MARCHF6: variants seen among roughly 807,000 people sequenced by gnomAD.
The protein encoded by MARCHF6 is E3 ubiquitin-protein ligase MARCHF6.
Under a neutral mutation model 133.7 loss-of-function variants are expected in MARCHF6, and 31 were observed. The ratio of observed to expected loss-of-function variants is 0.23; its 90% CI spans 0.17 to 0.31. The LOEUF is 0.31. MARCHF6 is among the 10% of genes least tolerant of loss of function. The pLI, the probability that MARCHF6 is intolerant of heterozygous loss-of-function variation, is 1.00. For synonymous variants in MARCHF6, 395 were observed against 402.5 expected, an observed-to-expected ratio of 0.98 and a Z score of 0.22; for missense variants, 723 against 1,121.6, an observed-to-expected ratio of 0.64 and a Z score of 5.08.
intron 10 of MARCHF6, among the ~76,000 whole-genome samples, chr5:10,398,833 A>C (rs1480425865): frequency 6.6e-6 from 1 of 152,176 alleles, no homozygotes; most frequent in Non-Finnish European, 1.5e-5. Context: ...ATCTTTTGGA[A>C]TCTTTTGAAA....
At chr5:10,411,207 G>A (rs1452261361) in intron 18 of MARCHF6, 126 bp from the exon 19 acceptor site, 1 of 733,522 alleles carries the variant, frequency 1.4e-6, no homozygotes, top group East Asian at 2.7e-5. Flanking sequence ...AGGTAATAAT[G>A]TGGTGCACAA....
At chr5:10,387,198 C>T in intron 5 of MARCHF6, 132 bp downstream of exon 5, 1 of 552,546 alleles carries the variant, frequency 1.8e-6, no homozygotes, top group South Asian at 3.1e-5. Flanking sequence ...ATTACACTAA[C>T]AGTTATAGCT....
At position 10,411,420 on chromosome 5, in the gene MARCHF6, TAAC is replaced by T. The variant is rs1160590368; in HGVS notation, c.1783_1785del (p.Asn595del). 5.6e-6 allele frequency: 9 copies of T among 1,614,204 alleles called. No individual in the cohort carries two copies. Among genetic ancestry groups the T allele is most frequent in the South Asian group, 1.1e-5 (1 of 91,090 alleles). ...TTAACAATAATCAGCATGCTCGAAATAACAACGCTATTCCTGTGGTGGGAGAAG... is the reference window on the plus strand; with the variant it reads ...TTAACAATAATCAGCATGCTCGAAATAACGCTATTCCTGTGGTGGGAGAAG... On this transcript the variant is annotated inframe_deletion, in exon 19 of 26. Transcript: ENST00000274140.
chr5:10,362,608 A>G (rs1039739953), intron 1 of MARCHF6, among the ~76,000 whole-genome samples: 24 of 152,260 alleles, frequency 1.6e-4, no homozygotes, highest in African/African-American at 5.5e-4. Flanking sequence ...CTGGATTATT[A>G]TAAGACAATT....
At chr5:10,372,951 T>C (rs1388646613) in intron 1 of MARCHF6, among the ~76,000 whole-genome samples, 1 of 152,020 alleles carries the variant, frequency 6.6e-6, no homozygotes, top group African/African-American at 2.4e-5. Context: ...ATCCTAGTGC[T>C]TTGGGAGCTG....
intron 1 of MARCHF6, among the ~76,000 whole-genome samples, chr5:10,372,680 C>T (rs1183698113): frequency 6.6e-6 from 1 of 152,178 alleles, no homozygotes; most frequent in African/African-American, 2.4e-5. Context: ...AAAATAACAA[C>T]ACTCATTATG....
At chr5:10,413,236 C>A (rs926096335) in intron 19 of MARCHF6, 3 of 152,214 alleles carry the variant, frequency 2.0e-5, no homozygotes, top group African/African-American at 7.2e-5. Flanking sequence ...TCCCGTTTTT[C>A]CCCCTTGGTC....
chr5:10,390,262 A>T, intron 5 of MARCHF6, 70 bp from the exon 6 acceptor site: 1 of 1,374,538 alleles, frequency 7.3e-7, no homozygotes, highest in African/African-American at 1.5e-5. Context: ...GTATAAGAAA[A>T]TTTTTTACCT....
chr5:10,411,221 C>G (rs370740523), intron 18 of MARCHF6, 112 bp from the exon 19 acceptor site: 8 of 829,060 alleles, frequency 9.6e-6, no homozygotes, highest in East Asian at 7.8e-5. Context: ...TGCACAAATT[C>G]TGTATTATAC....
At chr5:10,380,161 G>A (rs1242336776) in intron 3 of MARCHF6, among the ~76,000 whole-genome samples, 1 of 144,430 alleles carries the variant, frequency 6.9e-6, no homozygotes, top group Non-Finnish European at 1.5e-5. Flanking sequence ...TTAGTTGTGT[G>A]TGTGTGTGTG....
In MARCHF6 at chr5:10,434,482, C is replaced by CG. The variant is rs1740513820; in HGVS notation, c.*798_*799insG. On this transcript the variant is annotated 3_prime_UTR_variant, in exon 26 of 26. Coordinates refer to ENST00000274140, the MANE Select transcript of MARCHF6 (RefSeq NM_005885.4). ...TGAAGATTTTCATGAGTCAGCCCCC[C>CG]CGCCCGCCCCCACCCCACACCCACA... The CG allele has an allele frequency of 7.1e-6, 1 of 141,782 alleles. No homozygotes were observed. The highest frequency in any genetic ancestry group is 1.5e-5 in the Non-Finnish European group (1 of 65,442). 8.8% of individuals were successfully genotyped at this position (141,782 alleles called of 1,614,324 possible).
At position 10,433,818 on chromosome 5, in the gene MARCHF6, C is replaced by A; in HGVS notation, c.*134C>A. 2 of 705,168 alleles carry A rather than the reference C, an allele frequency of 2.8e-6. No individual in the cohort carries two copies. The highest frequency in any genetic ancestry group is 2.7e-5 in the East Asian group (1 of 36,524). The allele number at this position is 705,168 out of a possible 1,614,324, so 43.7% of individuals were successfully genotyped here. A position where few individuals can be genotyped will look rare whatever the true frequency, so the allele number is the denominator to read the frequency against. ...GTATTTGACTTGTGTTCTCAGCATT[C>A]AGAGAGCAGCGGTGTAAGATTCTGC... is the stretch of plus-strand genomic sequence containing the variant. On this transcript the variant is annotated 3_prime_UTR_variant, in exon 26 of 26. Transcript: ENST00000274140.
At chr5:10,370,227 A>C (rs76883881) in intron 1 of MARCHF6, among the ~76,000 whole-genome samples, 47 of 148,650 alleles carry the variant, frequency 3.2e-4, no homozygotes, top group African/African-American at 1.2e-3. Flanking sequence ...TAGCCTCCTG[A>C]GTAGCTGGGA....
At position 10,405,694 on chromosome 5, in the gene MARCHF6, A is replaced by G. The variant is rs1246907013; in HGVS notation, c.1452+17A>G. On this transcript the variant is annotated intron_variant, in intron 16 of 25. Transcript: ENST00000274140. ...TTGTCAGTGGTAAGAAGATGTTTCC[A>G]TTGTTTTTTTTTTTTGAATTAATTG... The G allele has an allele frequency of 5.2e-6, 8 of 1,545,750 alleles. No homozygotes were observed. The African/African-American group carries it at 5.8e-5, about 11-fold the overall frequency.
chr5:10,374,269 C>T (rs1392595299), intron 1 of MARCHF6, among the ~76,000 whole-genome samples: 1 of 152,208 alleles, frequency 6.6e-6, no homozygotes, highest in Non-Finnish European at 1.5e-5. Context: ...AAGCCTGGTG[C>T]TGGCAGCCAC....
intron 6 of MARCHF6, 74 bp from the exon 7 acceptor site, chr5:10,391,464 TAGCA>T: frequency 2.3e-6 from 1 of 431,752 alleles, no homozygotes; most frequent in Non-Finnish European, 4.0e-6. Flanking sequence ...TTTTTTTTTT[TAGCA>T]GGAATAATGT....
At chr5:10,381,668 AT>A (rs565529009) in intron 3 of MARCHF6, 131 bp from the exon 4 acceptor site, 415 of 675,330 alleles carry the variant, frequency 6.1e-4, no homozygotes, top group Admixed American at 1.4e-3. Context: ...TATTTGGTTT[AT>A]TTTTTTTAAA....
chr5:10,384,997 G>A (rs900594672), intron 4 of MARCHF6, among the ~76,000 whole-genome samples: 21 of 152,134 alleles, frequency 1.4e-4, no homozygotes, highest in Non-Finnish European at 2.6e-4. Context: ...TTCATGCAAC[G>A]GAATACTACA....
rs972470865 is a variant in MARCHF6, at chr5:10,439,216, G to A, written c.*5532G>A. ...ACTGGTTTTTGACAGAGGTGCAAAGGTCTTGAAAAAATGATGCTGGAATAA... is the reference window on the plus strand; with the variant it reads ...ACTGGTTTTTGACAGAGGTGCAAAGATCTTGAAAAAATGATGCTGGAATAA... On this transcript the variant is annotated 3_prime_UTR_variant, in exon 26 of 26. Transcript: ENST00000274140. 1 of 152,076 alleles carries A rather than the reference G, an allele frequency of 6.6e-6. No individual in the cohort carries two copies. The highest frequency in any genetic ancestry group is 1.5e-5 in the Non-Finnish European group (1 of 68,026). 9.4% of individuals were successfully genotyped at this position (152,076 alleles called of 1,614,324 possible).
Sources: gnomAD v4.1 joint callset for allele counts (sites outside exome capture counted in the v4.1 genomes callset) on GRCh38, gnomAD v4.1.1 for gene constraint, MANE v1.5 for transcripts, NCBI Gene and HGNC (gene_info 2026-07-23, HGNC 2026-07-21) for gene names.